Variants in RHCE observed in about 807,000 individuals in gnomAD.
The protein encoded by RHCE is blood group Rh(CE) polypeptide.
Under a neutral mutation model 43.8 loss-of-function variants are expected in RHCE, and 22 were observed. That is an observed-to-expected ratio of 0.50 (90% CI 0.36 to 0.72). RHCE has a LOEUF of 0.72. Among genes scored for constraint, RHCE ranks in the 30% least tolerant of loss-of-function variants. The probability of loss-of-function intolerance (pLI) is 0.00; values close to 1 mark genes in which losing one functional copy is unlikely to be tolerated. For synonymous variants in RHCE, 156 were observed against 210.7 expected, an observed-to-expected ratio of 0.74 and a Z score of 2.25; for missense variants, 385 against 525.4, an observed-to-expected ratio of 0.73 and a Z score of 2.61.
At position 25,426,186 on chromosome 1, in the gene RHCE, A is replaced by C. The variant is rs1002034533; in HGVS notation, c.-40+2767T>G. On this transcript the variant is annotated intron_variant, in intron 2 of 11. Coordinates refer to the RHCE transcript ENST00000349320. ...CAAGCTTGGCAAGTTTACTGTAGAA[A>C]CTTTGAAAATACAGATGCATAAAGC... Among the ~76,000 whole-genome samples, 3 of 152,242 alleles carry C rather than the reference A, an allele frequency of 2.0e-5. No individual in the cohort carries two copies. In the South Asian group the frequency reaches 6.2e-4, roughly 31 times the overall value.
intron 1 of RHCE, chr1:25,429,802 CCA>C (rs1189215757): frequency 6.6e-6 from 1 of 152,034 alleles, no homozygotes; most frequent in Non-Finnish European, 1.5e-5. Flanking sequence ...TACATTTTCC[CCA>C]GTTTTCTCTA....
At chr1:25,426,688 G>T (rs12093214) in intron 2 of RHCE, among the ~76,000 whole-genome samples, 4,777 of 152,284 alleles carry the variant, frequency 0.031, 234 homozygotes, top group African/African-American at 0.11. Context: ...CCATGGTAAG[G>T]ATATGTGATA....
intron 1 of RHCE, among the ~76,000 whole-genome samples, chr1:25,416,387 C>T (rs956175305): frequency 5.9e-4 from 90 of 151,948 alleles, no homozygotes; most frequent in Non-Finnish European, 2.8e-4. Context: ...CCTCAGCCTC[C>T]CAAGTAGCTG....
intron 8 of RHCE, among the ~76,000 whole-genome samples, chr1:25,373,468 G>A (rs1236474510): frequency 1.3e-5 from 2 of 151,710 alleles, no homozygotes; most frequent in Non-Finnish European, 2.9e-5. Flanking sequence ...ACTCTACTCC[G>A]CCTCTGCTTC....
In RHCE at chr1:25,362,456, C is replaced by A. The variant is rs770177192; in HGVS notation, c.*71G>T. 1 of 1,612,934 alleles carries A rather than the reference C, an allele frequency of 6.2e-7. No homozygotes were observed. ...TGCTGTCATGAGCGTTTCTCACGTACAAATGCAGGCAACAGTGAGAGGAAG... is the reference window on the plus strand; with the variant it reads ...TGCTGTCATGAGCGTTTCTCACGTAAAAATGCAGGCAACAGTGAGAGGAAG... On this transcript the variant is annotated 3_prime_UTR_variant, in exon 10 of 10. Coordinates refer to ENST00000294413, the MANE Select transcript of RHCE (RefSeq NM_020485.8).
chr1:25,419,201 C>T (rs544831395), intron 1 of RHCE, among the ~76,000 whole-genome samples: 53 of 152,282 alleles, frequency 3.5e-4, no homozygotes, highest in African/African-American at 1.2e-3. Context: ...TAGAATAGTG[C>T]CTGGTACATA....
chr1:25,387,355 A>T (rs902894320), intron 6 of RHCE, among the ~76,000 whole-genome samples: 48 of 152,326 alleles, frequency 3.2e-4, no homozygotes, highest in African/African-American at 1.0e-3. Context: ...TGTGCCCTGT[A>T]GCTGTTCTCA....
In RHCE at chr1:25,375,791, C is replaced by CT. The variant is rs1168607618; in HGVS notation, c.1074-364dup. On this transcript the variant is annotated intron_variant, in intron 7 of 9. Transcript: ENST00000294413. ...AGAGCCTCCAGTTTTCTCTCTCTCT[C>CT]TTTTTTTTTTTTTTTTTTCTGTTTT... 4.1e-3 allele frequency among the ~76,000 whole-genome samples: 511 copies of CT among 123,438 alleles called. 13 individuals carry two copies. The highest frequency in any genetic ancestry group is 9.4e-3 in the African/African-American group (236 of 25,120). 81.0% of individuals were successfully genotyped at this position (123,438 alleles called of 152,430 possible).
At chr1:25,392,912 A>G (rs1479593829) in intron 3 of RHCE, among the ~76,000 whole-genome samples, 1 of 152,102 alleles carries the variant, frequency 6.6e-6, no homozygotes, top group East Asian at 1.9e-4. Context: ...AGGTGTGGCA[A>G]AAACCCACAT....
chr1:25,412,016 C>T (rs1185436578), intron 1 of RHCE, among the ~76,000 whole-genome samples: 2 of 152,162 alleles, frequency 1.3e-5, no homozygotes, highest in African/African-American at 2.4e-5. Flanking sequence ...CTGTGAGGGG[C>T]GCTCATGACC....
At chr1:25,404,445 G>A (rs1264778785) in intron 2 of RHCE, among the ~76,000 whole-genome samples, 6 of 148,234 alleles carry the variant, frequency 4.0e-5, no homozygotes, top group African/African-American at 1.3e-4. Context: ...AAGGGCATGG[G>A]GAAGGAGTCT....
chr1:25,410,880 A>G (rs938870830), intron 1 of RHCE, among the ~76,000 whole-genome samples: 3 of 152,102 alleles, frequency 2.0e-5, no homozygotes, highest in Non-Finnish European at 2.9e-5. Context: ...TCATGAGGTC[A>G]GCAGTTCGAG....
Position 25,411,489 on chromosome 1 carries a change from G to C in RHCE, c.149-2620C>G, listed in dbSNP as rs1230771490. On this transcript the variant is annotated intron_variant, in intron 1 of 9. Coordinates refer to ENST00000294413, the MANE Select transcript of RHCE (RefSeq NM_020485.8). The stretch of plus-strand genomic sequence containing the variant: ...ACACACACCCAGGGTCTGCCAGAGA[G>C]GACAAGGGAGGACACTGACATTTCC... 5.9e-6 allele frequency: 9 copies of C among 1,535,468 alleles called. No homozygotes were observed. In the Admixed American group the frequency reaches 1.4e-4, roughly 24 times the overall value.
chr1:25,385,281 G>T (rs1475110889), intron 7 of RHCE, among the ~76,000 whole-genome samples: 1 of 152,202 alleles, frequency 6.6e-6, no homozygotes, highest in Non-Finnish European at 1.5e-5. Context: ...AGCCCTGTGA[G>T]GGGAGATAGT....
chr1:25,397,684 T>C (rs1220832180), intron 3 of RHCE, among the ~76,000 whole-genome samples: 4 of 151,732 alleles, frequency 2.6e-5, no homozygotes, highest in Non-Finnish European at 5.9e-5. Flanking sequence ...CTCTCCATCA[T>C]TCTTCCACAA....
intron 1 of RHCE, among the ~76,000 whole-genome samples, chr1:25,415,824 G>T (rs533351235): frequency 1.3e-5 from 2 of 151,648 alleles, no homozygotes; most frequent in South Asian, 2.1e-4. Flanking sequence ...GGCAAGATTT[G>T]AATCAGTCTA....
intron 8 of RHCE, among the ~76,000 whole-genome samples, chr1:25,371,464 A>G (rs1645609432): frequency 6.6e-6 from 1 of 151,352 alleles, no homozygotes; most frequent in East Asian, 1.9e-4. Flanking sequence ...TCAAACTCCC[A>G]GGCACAAGCA....
chr1:25,383,584 A>T (rs1054380949), intron 7 of RHCE, among the ~76,000 whole-genome samples: 1 of 152,184 alleles, frequency 6.6e-6, no homozygotes, highest in African/African-American at 2.4e-5. Context: ...AGGCTGCATG[A>T]CTGGCTTCAC....
At chr1:25,373,823 G>C (rs1412885358) in intron 8 of RHCE, among the ~76,000 whole-genome samples, 1 of 149,668 alleles carries the variant, frequency 6.7e-6, no homozygotes, top group Non-Finnish European at 1.5e-5. Flanking sequence ...TGGATGGAAT[G>C]TATATTTTCT....
Sources: allele counts gnomAD v4.1 joint callset (sites outside exome capture counted in the v4.1 genomes callset), GRCh38; gene constraint gnomAD v4.1.1; transcripts MANE v1.5; gene names NCBI Gene and HGNC (gene_info 2026-07-23, HGNC 2026-07-21).